The following CARMIL1 variants were observed in gnomAD, a reference collection of about 807,000 sequenced individuals.
CARMIL1 encodes capping protein regulator and myosin 1 linker 1, also known as F-actin-uncapping protein LRRC16A.
Under a neutral mutation model 177.1 loss-of-function variants are expected in CARMIL1, and 90 were observed. The observed-to-expected ratio is 0.51, with a 90% CI of 0.43 to 0.61. The LOEUF is 0.61. Among genes scored for constraint, CARMIL1 ranks in the 20% least tolerant of loss-of-function variants. CARMIL1 has a pLI of 0.00. For missense variants in CARMIL1, 1,380 were observed against 1,667.0 expected (o/e 0.83, Z 3.00); for synonymous variants, 577 against 606.2 (o/e 0.95, Z 0.71).
At chr6:25,340,776 G>GATTTTTTTTTT in intron 2 of CARMIL1, among the ~76,000 whole-genome samples, 1 of 68,554 alleles carries the variant, frequency 1.5e-5, no homozygotes, top group South Asian at 7.0e-4. Flanking sequence ...TGTCAATGAA[G>GATTTTTTTTTT]GTTTTTTTTT....
chr6:25,333,735 T>C (rs1272570690), intron 2 of CARMIL1, among the ~76,000 whole-genome samples: 2 of 148,486 alleles, frequency 1.3e-5, no homozygotes, highest in African/African-American at 2.5e-5. Context: ...TAACAGGTTG[T>C]CATTTTTTTG....
At chr6:25,342,087 A>G (rs1581625858) in intron 2 of CARMIL1, among the ~76,000 whole-genome samples, 1 of 152,240 alleles carries the variant, frequency 6.6e-6, no homozygotes, top group Non-Finnish European at 1.5e-5. Context: ...TGGGCAGCCC[A>G]CATTTAGAAG....
At chr6:25,413,795 T>G (rs9379764) in intron 2 of CARMIL1, among the ~76,000 whole-genome samples, 36,836 of 151,736 alleles carry the variant, frequency 0.24, 4,501 homozygotes, top group Middle Eastern at 0.33. Context: ...GCACATATAC[T>G]CCATCTGATG....
intron 36 of CARMIL1, among the ~76,000 whole-genome samples, chr6:25,613,876 A>T (rs1816688255): frequency 6.6e-6 from 1 of 152,226 alleles, no homozygotes; most frequent in Non-Finnish European, 1.5e-5. Context: ...GTGGCCCAGC[A>T]TTCAGGCTGT....
At position 25,495,100 on chromosome 6, in the gene CARMIL1, G is replaced by GT. The variant is rs1375989050; in HGVS notation, c.1221-4dup. On this transcript the variant is annotated splice_polypyrimidine_tract_variant and intron_variant, in intron 15 of 36. Coordinates refer to ENST00000329474, the MANE Select transcript of CARMIL1 (RefSeq NM_017640.6). ...GTGTAACCGCTTGTGTAACTCTTGT[G>GT]TTTTTTTCAGGAAAGGAAAAGAAGT... The GT allele has an allele frequency of 5.7e-6, 9 of 1,569,500 alleles. No individual in the cohort carries two copies. The highest frequency in any genetic ancestry group is 1.4e-5 in the African/African-American group (1 of 73,818).
intron 2 of CARMIL1, among the ~76,000 whole-genome samples, chr6:25,309,946 T>C (rs1291540097): frequency 1.3e-5 from 2 of 151,926 alleles, no homozygotes; most frequent in African/African-American, 4.8e-5. Context: ...ATTTTTGTAT[T>C]TTTAGTAGAG....
At chr6:25,329,980 A>G (rs9348672) in intron 2 of CARMIL1, among the ~76,000 whole-genome samples, 42,149 of 152,132 alleles carry the variant, frequency 0.28, 6,389 homozygotes, top group African/African-American at 0.42. Flanking sequence ...TCAGCGTCAG[A>G]CATTCATTGT....
At chr6:25,586,375 A>G (rs371306293) in intron 31 of CARMIL1, among the ~76,000 whole-genome samples, 1,405 of 123,068 alleles carry the variant, frequency 0.011, 14 homozygotes, top group African/African-American at 0.044. Context: ...GGGCAGAGGC[A>G]CTCCCCACAT....
chr6:25,430,311 A>G (rs1407296619), intron 4 of CARMIL1, among the ~76,000 whole-genome samples: 3 of 151,212 alleles, frequency 2.0e-5, no homozygotes, highest in Non-Finnish European at 4.4e-5. Context: ...TCCTATATAG[A>G]GGAGGAAGTA....
At chr6:25,484,240 C>T (rs763667423) in intron 12 of CARMIL1, among the ~76,000 whole-genome samples, 2 of 152,160 alleles carry the variant, frequency 1.3e-5, no homozygotes, top group South Asian at 2.1e-4. Flanking sequence ...GGCTTTGCCT[C>T]GTTCATTGCT....
intron 13 of CARMIL1, among the ~76,000 whole-genome samples, chr6:25,490,020 C>CT (rs1803041264): frequency 6.7e-6 from 1 of 149,862 alleles, no homozygotes; most frequent in Non-Finnish European, 1.5e-5. Flanking sequence ...CTCAAGATTT[C>CT]TTTTTCTGGC....
chr6:25,561,373 A>T (rs568213746), intron 29 of CARMIL1, among the ~76,000 whole-genome samples: 1 of 152,220 alleles, frequency 6.6e-6, no homozygotes, highest in African/African-American at 2.4e-5. Flanking sequence ...CACTAATTGT[A>T]TGTAATTCTT....
intron 2 of CARMIL1, among the ~76,000 whole-genome samples, chr6:25,408,852 G>T (rs1454649730): frequency 3.3e-5 from 5 of 152,018 alleles, no homozygotes; most frequent in African/African-American, 1.2e-4. Context: ...TTTGAGCCAG[G>T]TATTAGCCTC....
intron 31 of CARMIL1, 123 bp downstream of exon 31, chr6:25,581,562 T>C: frequency 2.4e-6 from 2 of 829,798 alleles, no homozygotes; most frequent in Non-Finnish European, 3.7e-6. Flanking sequence ...GACTAGAACC[T>C]CTTTGCATGA....
chr6:25,287,150 T>C (rs1485603678), intron 2 of CARMIL1, among the ~76,000 whole-genome samples: 1 of 152,358 alleles, frequency 6.6e-6, no homozygotes, highest in East Asian at 1.9e-4. Context: ...TTTCTGAGTT[T>C]AGAGAAATTT....
At chr6:25,551,738 G>A (rs1810124858) in intron 27 of CARMIL1, among the ~76,000 whole-genome samples, 1 of 152,124 alleles carries the variant, frequency 6.6e-6, no homozygotes, top group African/African-American at 2.4e-5. Context: ...CTTAGTTGGG[G>A]AATCAGATAA....
chr6:25,522,370 A>T (rs1055311682), intron 23 of CARMIL1, among the ~76,000 whole-genome samples: 9 of 152,166 alleles, frequency 5.9e-5, no homozygotes, highest in Non-Finnish European at 1.0e-4. Context: ...TACACTTCCC[A>T]CTTCATCTCT....
chr6:25,382,040 A>T (rs538258455), intron 2 of CARMIL1, among the ~76,000 whole-genome samples: 1 of 152,130 alleles, frequency 6.6e-6, no homozygotes, highest in Non-Finnish European at 1.5e-5. Context: ...TCTCATTCCT[A>T]TTGCCCAGGA....
At chr6:25,349,130 G>C (rs372701790) in intron 2 of CARMIL1, among the ~76,000 whole-genome samples, 1 of 152,192 alleles carries the variant, frequency 6.6e-6, no homozygotes, top group African/African-American at 2.4e-5. Context: ...TATCCTGGCA[G>C]GCAGGGCGCA....
Sources: allele counts gnomAD v4.1 joint callset (sites outside exome capture counted in the v4.1 genomes callset), GRCh38; gene constraint gnomAD v4.1.1; transcripts MANE v1.5; gene names NCBI Gene and HGNC (gene_info 2026-07-23, HGNC 2026-07-21).